The following CTNND2 variants were observed in gnomAD, a reference collection of about 807,000 sequenced individuals.
The protein encoded by CTNND2 is catenin delta 2, also known as catenin delta-2.
In CTNND2, 22 loss-of-function variants were observed where a neutral mutation model predicts 144.4. The ratio of observed to expected loss-of-function variants is 0.15; its 90% CI spans 0.11 to 0.22. CTNND2 has a LOEUF of 0.22. Among genes scored for constraint, CTNND2 ranks in the 10% least tolerant of loss-of-function variants. The pLI is 1.00. For missense variants in CTNND2, 1,353 were observed against 1,618.8 expected (o/e 0.84, Z 2.82); for synonymous variants, 751 against 695.6 (o/e 1.08, Z -1.25).
intron 2 of CTNND2, among the ~76,000 whole-genome samples, chr5:11,660,442 C>T (rs1783134792): frequency 6.6e-6 from 1 of 152,026 alleles, no homozygotes; most frequent in Admixed American, 6.6e-5. Flanking sequence ...GACTTTGAGG[C>T]TGGTAAGATG....
At chr5:11,236,858 A>C (rs767140776) in intron 9 of CTNND2, 35 bp from the exon 10 acceptor site, 5 of 1,612,616 alleles carry the variant, frequency 3.1e-6, no homozygotes, top group Non-Finnish European at 4.2e-6. Flanking sequence ...AGAATATGAG[A>C]GAGAAATCCT....
At chr5:11,503,201 C>T (rs781243068) in intron 3 of CTNND2, among the ~76,000 whole-genome samples, 1 of 152,160 alleles carries the variant, frequency 6.6e-6, no homozygotes, top group Non-Finnish European at 1.5e-5. Context: ...CAAATGCACT[C>T]GCCATGCAGG....
chr5:10,992,917 T>G (rs1738865022), intron 18 of CTNND2, among the ~76,000 whole-genome samples: 1 of 152,092 alleles, frequency 6.6e-6, no homozygotes. Flanking sequence ...GTTGAATAAA[T>G]GGTCCCTTTA....
chr5:11,421,623 T>C (rs917109281), intron 3 of CTNND2, among the ~76,000 whole-genome samples: 2 of 151,952 alleles, frequency 1.3e-5, no homozygotes, highest in African/African-American at 4.8e-5. Context: ...ATGGGAACAG[T>C]GGACACTAAA....
intron 9 of CTNND2, among the ~76,000 whole-genome samples, chr5:11,248,177 T>C (rs187512786): frequency 4.6e-5 from 7 of 152,254 alleles, no homozygotes; most frequent in Admixed American, 4.6e-4. Flanking sequence ...GGGAAGGGAT[T>C]TGATGCCCAA....
chr5:11,307,863 A>T (rs897774165), intron 9 of CTNND2, among the ~76,000 whole-genome samples: 1 of 152,156 alleles, frequency 6.6e-6, no homozygotes, highest in Admixed American at 6.5e-5. Flanking sequence ...CCTAATTCCT[A>T]AGGGGATGGT....
rs560591525 is a variant in CTNND2 at position 11,114,562 on chromosome 5, C to T, written c.2277+2888G>A. On this transcript the variant is annotated intron_variant, in intron 13 of 21. Coordinates refer to ENST00000304623, the MANE Select transcript of CTNND2 (RefSeq NM_001332.4). Reference sequence around the variant, plus strand: ...TGGGATCCTAGCAGGAGGGTGGCAGCCGGTAGCTTTGCTTGGGACATCCAT... The same window carrying T: ...TGGGATCCTAGCAGGAGGGTGGCAGTCGGTAGCTTTGCTTGGGACATCCAT... 3.3e-5 allele frequency among the ~76,000 whole-genome samples: 5 copies of T among 152,254 alleles called. No individual in the cohort carries two copies. The South Asian group carries it at 8.3e-4, about 25-fold the overall frequency.
chr5:11,862,795 T>G (rs1795562730), intron 1 of CTNND2, among the ~76,000 whole-genome samples: 1 of 152,172 alleles, frequency 6.6e-6, no homozygotes, highest in Non-Finnish European at 1.5e-5. Context: ...CTCCTGAGAG[T>G]TCTCAAACTG....
chr5:11,224,609 C>A (rs1434543153), intron 10 of CTNND2, among the ~76,000 whole-genome samples: 1 of 152,140 alleles, frequency 6.6e-6, no homozygotes, highest in African/African-American at 2.4e-5. Flanking sequence ...ACATGTCACC[C>A]AGCTGTTTCC....
intron 2 of CTNND2, among the ~76,000 whole-genome samples, chr5:11,665,064 T>C (rs868641730): frequency 6.6e-6 from 1 of 152,192 alleles, no homozygotes; most frequent in African/African-American, 2.4e-5. Context: ...AAGATGCTGA[T>C]GGTGAATTGA....
intron 1 of CTNND2, among the ~76,000 whole-genome samples, chr5:11,755,794 T>C (rs1788901396): frequency 6.6e-6 from 1 of 151,838 alleles, no homozygotes; most frequent in Non-Finnish European, 1.5e-5. Flanking sequence ...TCAGTTTGGT[T>C]CTTTCTTAAA....
intron 12 of CTNND2, among the ~76,000 whole-genome samples, chr5:11,121,088 T>C (rs146815566): frequency 1.8e-4 from 28 of 152,330 alleles, no homozygotes; most frequent in East Asian, 7.7e-4. Flanking sequence ...CAGCTTATGA[T>C]TGAAATAGCA....
At chr5:11,656,956 G>T (rs947134696) in intron 2 of CTNND2, among the ~76,000 whole-genome samples, 1 of 152,102 alleles carries the variant, frequency 6.6e-6, no homozygotes, top group Non-Finnish European at 1.5e-5. Context: ...CGCTCTAAGG[G>T]CTTTGAGTTA....
chr5:11,860,564 T>C (rs547303309), intron 1 of CTNND2, among the ~76,000 whole-genome samples: 13 of 152,288 alleles, frequency 8.5e-5, no homozygotes, highest in African/African-American at 2.9e-4. Context: ...ATAGGAAAAA[T>C]TTAAAATATA....
At chr5:11,598,953 C>T (rs369782120) in intron 2 of CTNND2, among the ~76,000 whole-genome samples, 10 of 152,092 alleles carry the variant, frequency 6.6e-5, no homozygotes, top group Admixed American at 2.6e-4. Flanking sequence ...CTCACAATTA[C>T]GTCAGAAGGC....
chr5:11,721,704 G>C (rs1786693296), intron 2 of CTNND2, among the ~76,000 whole-genome samples: 1 of 152,222 alleles, frequency 6.6e-6, no homozygotes, highest in Admixed American at 6.5e-5. Flanking sequence ...TGCATGCCTG[G>C]AGACTGCGTG....
chr5:11,119,721 A>G (rs1434652585), intron 12 of CTNND2, among the ~76,000 whole-genome samples: 1 of 152,234 alleles, frequency 6.6e-6, no homozygotes, highest in Admixed American at 6.5e-5. Context: ...TTTGCATGGC[A>G]ATGTGTGATT....
At chr5:11,463,906 C>A (rs1385024318) in intron 3 of CTNND2, among the ~76,000 whole-genome samples, 5 of 150,766 alleles carry the variant, frequency 3.3e-5, no homozygotes, top group African/African-American at 1.2e-4. Context: ...TTTCTGGTTT[C>A]TTTTTTCATT....
intron 9 of CTNND2, among the ~76,000 whole-genome samples, chr5:11,295,939 T>G (rs1407755221): frequency 6.6e-6 from 1 of 152,010 alleles, no homozygotes; most frequent in Non-Finnish European, 1.5e-5. Context: ...ACTTCATGTC[T>G]GAAACACCAA....
Sources: gnomAD v4.1 joint callset for allele counts (sites outside exome capture counted in the v4.1 genomes callset) on GRCh38, gnomAD v4.1.1 for gene constraint, MANE v1.5 for transcripts, NCBI Gene and HGNC (gene_info 2026-07-23, HGNC 2026-07-21) for gene names.